Variants in THSD7B observed in about 807,000 individuals in gnomAD.
THSD7B encodes the protein thrombospondin type 1 domain containing 7B, also known as thrombospondin type-1 domain-containing protein 7B.
A neutral mutation model predicts 213.6 loss-of-function variants in THSD7B; 138 were observed. The ratio of observed to expected loss-of-function variants is 0.65; its 90% CI spans 0.56 to 0.74. THSD7B has a LOEUF of 0.74. Ranked by LOEUF, THSD7B falls within the 30% of genes least tolerant of loss-of-function variation. The pLI, the probability that THSD7B is intolerant of heterozygous loss-of-function variation, is 0.00. For missense variants in THSD7B, 1,931 were observed against 1,991.5 expected, an observed-to-expected ratio of 0.97 and a Z score of 0.58; for synonymous variants, 742 against 687.0, an observed-to-expected ratio of 1.08 and a Z score of -1.25.
At chr2:137,321,999 G>C (rs549906607) in intron 12 of THSD7B, among the ~76,000 whole-genome samples, 2 of 152,324 alleles carry the variant, frequency 1.3e-5, no homozygotes, top group South Asian at 2.1e-4. Context: ...GGCACTCCAA[G>C]ACTCTGCATT....
Position 137,170,725 on chromosome 2 carries a change from TTC to T in THSD7B, c.1526-8_1526-7del, listed in dbSNP as rs1470060550. ...AGAGTGGAATTCTCTGAAAATTCTT[TTC>T]TCTCTCTTTTTAGGATTTAGAACGA... On this transcript the variant is annotated splice_polypyrimidine_tract_variant and intron_variant, in intron 6 of 27. Transcript: ENST00000409968. The T allele has an allele frequency of 1.3e-6, 2 of 1,599,466 alleles. No homozygotes were observed. Among genetic ancestry groups the T allele is most frequent in the Non-Finnish European group, 1.7e-6 (2 of 1,171,788 alleles).
At chr2:137,279,586 A>T (rs892002153) in intron 12 of THSD7B, among the ~76,000 whole-genome samples, 2 of 152,062 alleles carry the variant, frequency 1.3e-5, no homozygotes, top group African/African-American at 4.8e-5. Context: ...GCAGTGTTCT[A>T]AGGGATTATT....
intron 14 of THSD7B, among the ~76,000 whole-genome samples, chr2:137,429,562 T>C (rs1002578615): frequency 1.3e-5 from 2 of 152,194 alleles, no homozygotes; most frequent in Non-Finnish European, 2.9e-5. Context: ...AATAGACGTG[T>C]AAATTAATTA....
At chr2:137,016,789 C>T (rs1234342306) in intron 2 of THSD7B, among the ~76,000 whole-genome samples, 1 of 152,162 alleles carries the variant, frequency 6.6e-6, no homozygotes, top group Non-Finnish European at 1.5e-5. Context: ...TAGGAAACCA[C>T]TGGTGTTTCA....
At chr2:136,770,162 C>T (rs906488166) in intron 1 of THSD7B, among the ~76,000 whole-genome samples, 13 of 152,124 alleles carry the variant, frequency 8.5e-5, no homozygotes, top group South Asian at 4.1e-4. Context: ...CAGTTAGGCA[C>T]GATTGCCTTA....
chr2:137,512,918 A>G (rs1679997697), intron 15 of THSD7B, among the ~76,000 whole-genome samples: 1 of 152,202 alleles, frequency 6.6e-6, no homozygotes. Flanking sequence ...TCATCTACTC[A>G]GGATTTCAAG....
At chr2:137,010,950 C>T (rs1440958304) in intron 2 of THSD7B, among the ~76,000 whole-genome samples, 1 of 152,086 alleles carries the variant, frequency 6.6e-6, no homozygotes, top group East Asian at 1.9e-4. Context: ...CAGGGAGAGG[C>T]CTCTCAGGAG....
intron 14 of THSD7B, among the ~76,000 whole-genome samples, chr2:137,443,807 G>A (rs145676103): frequency 6.6e-6 from 1 of 151,996 alleles, no homozygotes; most frequent in Non-Finnish European, 1.5e-5. Flanking sequence ...GATTTTCCTG[G>A]TGGATGTAAT....
At chr2:137,549,698 G>C (rs186699636) in intron 15 of THSD7B, among the ~76,000 whole-genome samples, 1 of 151,762 alleles carries the variant, frequency 6.6e-6, no homozygotes, top group Non-Finnish European at 1.5e-5. Context: ...TCCCTGACCC[G>C]CCAGCCCCTG....
chr2:137,604,199 G>A (rs184407807), intron 17 of THSD7B, among the ~76,000 whole-genome samples: 1 of 152,196 alleles, frequency 6.6e-6, no homozygotes, highest in Non-Finnish European at 1.5e-5. Flanking sequence ...TGAAAGTAAG[G>A]AAAGAGTTTT....
intron 1 of THSD7B, among the ~76,000 whole-genome samples, chr2:136,842,275 A>C (rs1682931692): frequency 6.6e-6 from 1 of 152,260 alleles, no homozygotes; most frequent in Non-Finnish European, 1.5e-5. Flanking sequence ...CAAAAGCTAC[A>C]CAGGAAGTAG....
intron 17 of THSD7B, among the ~76,000 whole-genome samples, chr2:137,580,780 G>A (rs1681557268): frequency 6.6e-6 from 1 of 152,164 alleles, no homozygotes; most frequent in Non-Finnish European, 1.5e-5. Context: ...GAGCAGGCAG[G>A]TCACATAGCT....
intron 15 of THSD7B, among the ~76,000 whole-genome samples, chr2:137,548,715 T>A (rs2218708): frequency 9.3e-4 from 141 of 152,070 alleles, no homozygotes; most frequent in African/African-American, 3.1e-3. Flanking sequence ...TTAACAAATC[T>A]CCCTTTCAAA....
intron 19 of THSD7B, among the ~76,000 whole-genome samples, chr2:137,618,860 T>C (rs1199362664): frequency 6.6e-6 from 1 of 152,246 alleles, no homozygotes; most frequent in African/African-American, 2.4e-5. Flanking sequence ...CATTTGCATA[T>C]GTGATAATAC....
intron 12 of THSD7B, among the ~76,000 whole-genome samples, chr2:137,283,675 G>T (rs1163142663): frequency 6.6e-6 from 1 of 152,080 alleles, no homozygotes; most frequent in African/African-American, 2.4e-5. Context: ...TTTTGTCTTT[G>T]GTTCTGTTTA....
intron 1 of THSD7B, among the ~76,000 whole-genome samples, chr2:136,792,150 A>G (rs34650811): frequency 0.14 from 21,324 of 152,000 alleles, 2,228 homozygotes; most frequent in Non-Finnish European, 0.22. Context: ...GTCACAATCT[A>G]GGATTGAAAT....
At chr2:137,663,295 C>T (rs755044710) in intron 25 of THSD7B, 88 bp from the exon 26 acceptor site, 4 of 1,188,914 alleles carry the variant, frequency 3.4e-6, no homozygotes, top group Non-Finnish European at 4.5e-6. Flanking sequence ...ATGTATAGTG[C>T]AAATATTAAG....
chr2:137,077,717 G>T (rs1013329374), intron 3 of THSD7B, among the ~76,000 whole-genome samples: 6 of 150,692 alleles, frequency 4.0e-5, no homozygotes, highest in African/African-American at 1.5e-4. Flanking sequence ...TGTAGATTCT[G>T]TATATTAGCC....
At chr2:137,356,116 T>C (rs2104927573) in intron 12 of THSD7B, among the ~76,000 whole-genome samples, 1 of 152,244 alleles carries the variant, frequency 6.6e-6, no homozygotes, top group African/African-American at 2.4e-5. Flanking sequence ...ACATGAAGGC[T>C]CTTTGTGTGA....
Sources: gnomAD v4.1 joint callset for allele counts (sites outside exome capture counted in the v4.1 genomes callset) on GRCh38, gnomAD v4.1.1 for gene constraint, MANE v1.5 for transcripts, NCBI Gene and HGNC (gene_info 2026-07-23, HGNC 2026-07-21) for gene names.